Variants in TSPEAR observed in about 807,000 individuals in gnomAD.
The protein encoded by TSPEAR is thrombospondin type laminin G domain and EAR repeats.
TSPEAR carries 69 observed loss-of-function variants against 71.6 expected under a neutral mutation model. That is an observed-to-expected ratio of 0.96 (90% CI 0.79 to 1.18). The LOEUF is 1.18. TSPEAR is among the 50% of genes most tolerant of loss of function. TSPEAR has a pLI of 0.00. For synonymous variants in TSPEAR, 402 were observed against 387.2 expected, an observed-to-expected ratio of 1.04 and a Z score of -0.45; for missense variants, 971 against 894.9, an observed-to-expected ratio of 1.09 and a Z score of -1.09.
chr21:44,549,811 C>T (rs782629935), intron 2 of TSPEAR, among the ~76,000 whole-genome samples: 1 of 152,258 alleles, frequency 6.6e-6, no homozygotes, highest in Non-Finnish European at 1.5e-5. Flanking sequence ...GGCCCTCCGC[C>T]CACCCAGCCC....
chr21:44,657,851 C>T, intron 1 of TSPEAR: 1 of 875,048 alleles, frequency 1.1e-6, no homozygotes, highest in Non-Finnish European at 1.8e-6. Flanking sequence ...GTGGAAACAA[C>T]CACAAGGAAG....
At chr21:44,521,256 C>T (rs150704730) in intron 9 of TSPEAR, among the ~76,000 whole-genome samples, 8 of 152,336 alleles carry the variant, frequency 5.3e-5, no homozygotes, top group African/African-American at 1.7e-4. Context: ...CCACCTGTCT[C>T]GTACTCCGCA....
At chr21:44,607,438 TACAC>T (rs1196316740) in intron 1 of TSPEAR, among the ~76,000 whole-genome samples, 1 of 152,292 alleles carries the variant, frequency 6.6e-6, no homozygotes, top group South Asian at 2.1e-4. Context: ...ACCTAGTAAA[TACAC>T]ACAATTATTA....
In TSPEAR at chr21:44,685,052, T is replaced by C. The variant is rs375427324; in HGVS notation, c.82+26381A>G. Among the ~76,000 whole-genome samples the C allele has an allele frequency of 3.5e-4, 53 of 152,250 alleles. No individual in the cohort carries two copies. In the East Asian group the frequency reaches 7.7e-3, roughly 22 times the overall value. ...TGGCCACAGATCGGCTCTGGGTCCATAGACTTCTAAGTTCTGTCCACAGCT... is the reference window on the plus strand; with the variant it reads ...TGGCCACAGATCGGCTCTGGGTCCACAGACTTCTAAGTTCTGTCCACAGCT... On this transcript the variant is annotated intron_variant, in intron 1 of 11. Transcript: ENST00000323084.
chr21:44,706,323 A>C (rs2146337755), intron 1 of TSPEAR, among the ~76,000 whole-genome samples: 1 of 152,212 alleles, frequency 6.6e-6, no homozygotes, highest in African/African-American at 2.4e-5. Flanking sequence ...CCACACGCAC[A>C]CACCCACGTG....
chr21:44,554,251 G>A (rs1359065428), intron 2 of TSPEAR, among the ~76,000 whole-genome samples: 2 of 152,214 alleles, frequency 1.3e-5, no homozygotes, highest in Non-Finnish European at 2.9e-5. Context: ...CAAGAAGGTG[G>A]CTGTCTGTAG....
At chr21:44,507,004 CGGAT>C (rs2145916579) in intron 10 of TSPEAR, 1 of 152,370 alleles carries the variant, frequency 6.6e-6, no homozygotes, top group South Asian at 2.1e-4. Flanking sequence ...GACAAATGGA[CGGAT>C]GAAGTGTGAC....
intron 1 of TSPEAR, among the ~76,000 whole-genome samples, chr21:44,646,023 G>T (rs1410902652): frequency 1.3e-5 from 2 of 149,140 alleles, no homozygotes; most frequent in African/African-American, 4.9e-5. Context: ...TACTCGGGAG[G>T]CTGAGGTGGG....
intron 9 of TSPEAR, chr21:44,517,381 A>C (rs1488813319): frequency 5.1e-6 from 1 of 196,618 alleles, no homozygotes; most frequent in Non-Finnish European, 1.1e-5. Flanking sequence ...GACCAGCACT[A>C]GCCAATGAGC....
chr21:44,659,400 C>G (rs1313985887), intron 1 of TSPEAR, among the ~76,000 whole-genome samples: 1 of 151,598 alleles, frequency 6.6e-6, no homozygotes, highest in Non-Finnish European at 1.5e-5. Flanking sequence ...GGTTGGTGCA[C>G]TGAAGGTAAC....
In TSPEAR at chr21:44,580,157, C is replaced by T. The variant is rs782594139; in HGVS notation, c.83-12152G>A. On this transcript the variant is annotated intron_variant, in intron 1 of 11. Transcript: ENST00000323084. The stretch of plus-strand genomic sequence containing the variant: ...GGAATCCTCAGAACAGGTGGGCACA[C>T]AGCACACGGGCTTGCAGCAGACAGG... The T allele has an allele frequency of 6.8e-6, 11 of 1,612,322 alleles. No homozygotes were observed. In the East Asian group the frequency reaches 2.2e-4, roughly 33 times the overall value.
intron 10 of TSPEAR, chr21:44,507,186 C>T (rs1430142387): frequency 6.6e-6 from 1 of 152,066 alleles, no homozygotes; most frequent in Non-Finnish European, 1.5e-5. Flanking sequence ...CCGGGGGTGC[C>T]CAGTTGGGAG....
At chr21:44,525,042 G>A (rs1555914758) in intron 8 of TSPEAR, among the ~76,000 whole-genome samples, 1 of 152,070 alleles carries the variant, frequency 6.6e-6, no homozygotes, top group Non-Finnish European at 1.5e-5. Context: ...CAGGTGGTCA[G>A]TCAGTCAGGT....
At position 44,627,971 on chromosome 21, in the gene TSPEAR, G is replaced by C. The variant is rs201944389; in HGVS notation, c.83-59966C>G. 1.1e-3 allele frequency: 1,722 copies of C among 1,519,690 alleles called. 6 individuals are homozygous for C. Among genetic ancestry groups the C allele is most frequent in the Non-Finnish European group, 1.4e-3 (1,562 of 1,118,216 alleles). 94.1% of individuals were successfully genotyped at this position (1,519,690 alleles called of 1,614,324 possible). ...CCCAGCTATTGCCGCCAGGCCTCCT[G>C]TGTGTCCCTTCTCTGCCGCCCTGTG... is the stretch of plus-strand genomic sequence containing the variant. On this transcript the variant is annotated intron_variant, in intron 1 of 11. Transcript: ENST00000323084.
chr21:44,567,869 T>C lies in TSPEAR; in HGVS notation c.219A>G (p.Ala73=). ...GGTCACACTGGGAGAAAATCCTGGA[T>C]GCTGGGAAGCTCATGGTGCGGGGGG... ...VAAPRTMSFP[A]SRIFSQCDLF... The change falls in exon 2 of 12, where the codon GCA becomes GCG. Residue 73 remains alanine (A), a synonymous_variant. Coordinates refer to ENST00000323084, the MANE Select transcript of TSPEAR (RefSeq NM_144991.3). The C allele has an allele frequency of 6.2e-7, 1 of 1,609,150 alleles. No individual in the cohort carries two copies. The highest frequency in any genetic ancestry group is 8.5e-7 in the Non-Finnish European group (1 of 1,176,946).
chr21:44,517,932 C>T (rs114918224), intron 9 of TSPEAR: 5,341 of 462,804 alleles, frequency 0.012, 241 homozygotes, highest in African/African-American at 0.092. Context: ...ACAATTCCAT[C>T]ACTGTCCTCA....
intron 1 of TSPEAR, among the ~76,000 whole-genome samples, chr21:44,704,670 CA>C (rs1292370087): frequency 1.3e-5 from 2 of 152,178 alleles, no homozygotes; most frequent in Non-Finnish European, 2.9e-5. Flanking sequence ...GATGGGCCCA[CA>C]GGAAATTTCC....
intron 9 of TSPEAR, chr21:44,518,207 C>G (rs2052644780): frequency 2.4e-6 from 1 of 414,332 alleles, no homozygotes; most frequent in African/African-American, 2.1e-5. Context: ...CTTTCTGTTT[C>G]TAGAGCTAGC....
In TSPEAR at chr21:44,528,550, G is replaced by A. The variant is rs2052902528; in HGVS notation, c.824C>T (p.Pro275Leu). The change falls in exon 6 of 12, where the codon CCA becomes CTA. Residue 275 changes from proline (P) to leucine (L), a missense_variant. Transcript: ENST00000323084. ...GGCGTCTTCCACCTCGGTACACGGT[G>A]GCTGGGGTCCCAGCGTCACTCGAAT... ...TNIRVTLGPQ[P>L]PCTEVEDAQF... The A allele has an allele frequency of 6.2e-7, 1 of 1,614,136 alleles. No individual in the cohort carries two copies. Among genetic ancestry groups the A allele is most frequent in the Non-Finnish European group, 8.5e-7 (1 of 1,180,026 alleles).
Sources: gnomAD v4.1 joint callset for allele counts (sites outside exome capture counted in the v4.1 genomes callset) on GRCh38, gnomAD v4.1.1 for gene constraint, MANE v1.5 for transcripts, NCBI Gene and HGNC (gene_info 2026-07-23, HGNC 2026-07-21) for gene names.